Variants in TRPM3 observed in about 807,000 individuals in gnomAD.
TRPM3 encodes long transient receptor potential channel 3.
A neutral mutation model predicts 181.2 loss-of-function variants in TRPM3; 77 were observed. The ratio of observed to expected loss-of-function variants is 0.42; its 90% CI spans 0.35 to 0.51. The LOEUF (loss-of-function observed/expected upper bound fraction) is 0.51, where lower values mean the gene tolerates loss of function less well. Ranked by LOEUF, TRPM3 falls within the 20% of genes least tolerant of loss-of-function variation. The pLI, the probability that TRPM3 is intolerant of heterozygous loss-of-function variation, is 0.01. For missense variants in TRPM3, 1,759 were observed against 2,196.7 expected (o/e 0.80, Z 3.98); for synonymous variants, 745 against 796.4 (o/e 0.94, Z 1.09).
At chr9:70,900,338 C>T (rs2096366654) in intron 1 of TRPM3, among the ~76,000 whole-genome samples, 1 of 151,516 alleles carries the variant, frequency 6.6e-6, no homozygotes, top group East Asian at 1.9e-4. Flanking sequence ...GAGACTCTGT[C>T]TCAAAAACAA....
At chr9:71,070,003 A>C (rs1410640597) in intron 1 of TRPM3, among the ~76,000 whole-genome samples, 1 of 152,200 alleles carries the variant, frequency 6.6e-6, no homozygotes, top group Admixed American at 6.5e-5. Context: ...CCAGTCTAAT[A>C]CTTTAATATG....
At chr9:71,413,857 T>C (rs978587994) in intron 1 of TRPM3, among the ~76,000 whole-genome samples, 10 of 136,028 alleles carry the variant, frequency 7.4e-5, no homozygotes, top group African/African-American at 1.2e-4. Context: ...AATACATTTC[T>C]CTTTTTTTTT....
chr9:71,083,511 C>T (rs2064744195), intron 1 of TRPM3, among the ~76,000 whole-genome samples: 2 of 151,884 alleles, frequency 1.3e-5, no homozygotes, highest in South Asian at 4.2e-4. Flanking sequence ...TCTGAAATTG[C>T]AAATTTCACA....
intron 1 of TRPM3, among the ~76,000 whole-genome samples, chr9:71,334,339 T>A (rs1037972748): frequency 2.6e-5 from 4 of 151,812 alleles, no homozygotes; most frequent in African/African-American, 9.7e-5. Flanking sequence ...TTTCCATTTT[T>A]AAATGTGAAA....
intron 1 of TRPM3, among the ~76,000 whole-genome samples, chr9:71,428,496 G>A (rs907584237): frequency 2.1e-4 from 32 of 152,114 alleles, no homozygotes; most frequent in Non-Finnish European, 1.9e-4. Flanking sequence ...TACATATTTG[G>A]ATGAACAGTT....
intron 1 of TRPM3, among the ~76,000 whole-genome samples, chr9:71,101,604 C>G (rs1460609575): frequency 6.6e-6 from 1 of 152,082 alleles, no homozygotes; most frequent in Non-Finnish European, 1.5e-5. Context: ...AGGTGAATAT[C>G]ACACAAAAAG....
intron 1 of TRPM3, among the ~76,000 whole-genome samples, chr9:71,191,679 G>A (rs2078029943): frequency 6.6e-6 from 1 of 151,444 alleles, no homozygotes; most frequent in Non-Finnish European, 1.5e-5. Flanking sequence ...AAGCATTGCT[G>A]TTTTGCCAAT....
chr9:70,811,345 G>A (rs535279899), intron 6 of TRPM3: 2 of 986,958 alleles, frequency 2.0e-6, no homozygotes, highest in African/African-American at 3.3e-5. Flanking sequence ...TTATATACGT[G>A]ATGGCAACTC....
At chr9:71,196,167 A>ATATGTG (rs138823210) in intron 1 of TRPM3, among the ~76,000 whole-genome samples, 36 of 149,454 alleles carry the variant, frequency 2.4e-4, no homozygotes, top group African/African-American at 8.1e-4. Flanking sequence ...ACACACGTAT[A>ATATGTG]TGTGTGTGTG....
chr9:71,315,062 C>T (rs1003686816), intron 1 of TRPM3, among the ~76,000 whole-genome samples: 6 of 152,054 alleles, frequency 3.9e-5, no homozygotes, highest in Non-Finnish European at 7.4e-5. Flanking sequence ...AAATGTGTGG[C>T]AATGTGTAGA....
At chr9:70,994,629 A>G (rs2097525487) in intron 1 of TRPM3, among the ~76,000 whole-genome samples, 1 of 151,972 alleles carries the variant, frequency 6.6e-6, no homozygotes, top group Admixed American at 6.6e-5. Flanking sequence ...TTCCCCCTTC[A>G]GTATTTTTCC....
chr9:70,562,724 C>G (rs1259451571), intron 22 of TRPM3, among the ~76,000 whole-genome samples: 1 of 152,050 alleles, frequency 6.6e-6, no homozygotes, highest in Non-Finnish European at 1.5e-5. Context: ...CTAGCTTTAC[C>G]TGGAAACAAA....
chr9:70,580,292 G>A lies in TRPM3; in HGVS notation c.3223+10739C>T, dbSNP rs115441527. Among the ~76,000 whole-genome samples the A allele has an allele frequency of 6.6e-3, 1,001 of 152,182 alleles. 6 individuals are homozygous for A. The highest frequency in any genetic ancestry group is 0.023 in the African/African-American group (940 of 41,498). ...AGGGGCTCCACACAAGGCGACCTGC[G>A]AATTTCCAACAAGATCCAAATCCCT... On this transcript the variant is annotated intron_variant, in intron 22 of 25. Coordinates refer to ENST00000677713, the MANE Select transcript of TRPM3 (RefSeq NM_001366145.2).
chr9:71,035,498 C>G (rs1459645855), intron 1 of TRPM3, among the ~76,000 whole-genome samples: 1 of 152,194 alleles, frequency 6.6e-6, no homozygotes, highest in Non-Finnish European at 1.5e-5. Flanking sequence ...AGGCAGATCA[C>G]TTGAGGCCAG....
chr9:70,886,173 A>G (rs2096078702), intron 1 of TRPM3, among the ~76,000 whole-genome samples: 1 of 152,134 alleles, frequency 6.6e-6, no homozygotes. Context: ...AGTTATTAAT[A>G]AGCAGGCCAA....
At chr9:70,679,875 G>T (rs1377979623) in intron 9 of TRPM3, among the ~76,000 whole-genome samples, 1 of 152,034 alleles carries the variant, frequency 6.6e-6, no homozygotes, top group Non-Finnish European at 1.5e-5. Context: ...TTTTATTTTT[G>T]TCTCTGATAA....
At chr9:70,628,265 G>A (rs979367437) in intron 12 of TRPM3, among the ~76,000 whole-genome samples, 9 of 152,126 alleles carry the variant, frequency 5.9e-5, no homozygotes, top group African/African-American at 1.4e-4. Flanking sequence ...CCCACCCATC[G>A]TGTCATTTTC....
chr9:70,676,828 C>T (rs1244740737), intron 9 of TRPM3, among the ~76,000 whole-genome samples: 1 of 152,068 alleles, frequency 6.6e-6, no homozygotes, highest in African/African-American at 2.4e-5. Context: ...TCTCACCTTT[C>T]ATTCTCCCCC....
intron 1 of TRPM3, among the ~76,000 whole-genome samples, chr9:71,263,787 CTTT>C (rs1012413869): frequency 6.6e-6 from 1 of 151,998 alleles, no homozygotes; most frequent in African/African-American, 2.4e-5. Context: ...TTTCCTTCTT[CTTT>C]TTATTTTGAG....
Sources: allele counts gnomAD v4.1 joint callset (sites outside exome capture counted in the v4.1 genomes callset), GRCh38; gene constraint gnomAD v4.1.1; transcripts MANE v1.5; gene names NCBI Gene and HGNC (gene_info 2026-07-23, HGNC 2026-07-21).